The following QTMAN variants were observed in gnomAD, a reference collection of about 807,000 sequenced individuals.
QTMAN encodes the protein queuosine-tRNA mannosyltransferase, also known as tRNA-queuosine alpha-mannosyltransferase.
At chr2:144,300,402 T>C in the QTMAN span, among the ~76,000 whole-genome samples, 7 of 152,284 alleles carry the variant, frequency 4.6e-5, no homozygotes, top group African/African-American at 1.7e-4. Context: ...CTATCCTATA[T>C]CCAACAATCC....
the QTMAN span, chr2:143,944,238 T>TGC: frequency 3.0e-4 from 44 of 147,722 alleles, no homozygotes; most frequent in African/African-American, 1.1e-3. Flanking sequence ...AATGTGCGTG[T>TGC]GCACACACAC....
the QTMAN span, among the ~76,000 whole-genome samples, chr2:144,108,345 T>C: frequency 1.3e-5 from 2 of 152,106 alleles, no homozygotes; most frequent in Non-Finnish European, 2.9e-5. Context: ...TGATTGTATA[T>C]TTAGAAAACC....
the QTMAN span, among the ~76,000 whole-genome samples, chr2:144,098,477 G>A: frequency 2.8e-3 from 427 of 152,224 alleles, 2 homozygotes; most frequent in African/African-American, 9.8e-3. Context: ...CATTTTGGGA[G>A]GCCGAGGCGG....
chr2:144,258,494 A>G, the QTMAN span, among the ~76,000 whole-genome samples: 1 of 152,206 alleles, frequency 6.6e-6, no homozygotes, highest in Non-Finnish European at 1.5e-5. Flanking sequence ...ACCATCAGTC[A>G]CCATTATCTG....
chr2:144,101,299 T>C, the QTMAN span, among the ~76,000 whole-genome samples: 1 of 152,136 alleles, frequency 6.6e-6, no homozygotes, highest in Non-Finnish European at 1.5e-5. Context: ...CTAAATCCCA[T>C]GGACCTTTGT....
At chr2:144,288,535 A>G in the QTMAN span, among the ~76,000 whole-genome samples, 1 of 152,246 alleles carries the variant, frequency 6.6e-6, no homozygotes, top group African/African-American at 2.4e-5. Flanking sequence ...TTCCAGGAGC[A>G]TATTTTCAAG....
the QTMAN span, among the ~76,000 whole-genome samples, chr2:143,996,664 C>T: frequency 6.6e-6 from 1 of 152,106 alleles, no homozygotes; most frequent in Non-Finnish European, 1.5e-5. Context: ...CAGTAATTTT[C>T]TGCCAAGTTT....
chr2:144,059,019 C>G, the QTMAN span, among the ~76,000 whole-genome samples: 3 of 152,234 alleles, frequency 2.0e-5, no homozygotes, highest in African/African-American at 7.2e-5. Flanking sequence ...TGTTTCTACT[C>G]TGCTCAAATG....
the QTMAN span, among the ~76,000 whole-genome samples, chr2:144,228,817 G>T: frequency 6.6e-6 from 1 of 152,146 alleles, no homozygotes; most frequent in Non-Finnish European, 1.5e-5. Context: ...AATTAGCCGG[G>T]CGTGATGGCA....
At chr2:144,087,268 T>A in the QTMAN span, among the ~76,000 whole-genome samples, 3 of 152,212 alleles carry the variant, frequency 2.0e-5, no homozygotes, top group East Asian at 5.8e-4. Flanking sequence ...CAAAGCTTAC[T>A]CAGCAAGCAA....
chr2:144,159,030 A>T, the QTMAN span, among the ~76,000 whole-genome samples: 1 of 152,070 alleles, frequency 6.6e-6, no homozygotes, highest in South Asian at 2.1e-4. Flanking sequence ...AAGTAGCAAA[A>T]GATTGGTTGA....
chr2:144,332,915 G>T, the QTMAN span, among the ~76,000 whole-genome samples: 1 of 152,078 alleles, frequency 6.6e-6, no homozygotes, highest in South Asian at 2.1e-4. Flanking sequence ...CTGTTCATTA[G>T]GTCGACCTCG....
chr2:144,276,219 A>G, the QTMAN span, among the ~76,000 whole-genome samples: 1 of 152,028 alleles, frequency 6.6e-6, no homozygotes, highest in African/African-American at 2.4e-5. Context: ...TTTTTTAAAA[A>G]AAAAAGTTAT....
the QTMAN span, among the ~76,000 whole-genome samples, chr2:144,212,664 T>C: frequency 1.3e-5 from 2 of 152,180 alleles, no homozygotes; most frequent in Non-Finnish European, 2.9e-5. Flanking sequence ...GCTTGCTCCC[T>C]GAAAGAGCAT....
At chr2:144,136,229 GA>G in the QTMAN span, among the ~76,000 whole-genome samples, 1 of 151,728 alleles carries the variant, frequency 6.6e-6, no homozygotes, top group Non-Finnish European at 1.5e-5. Flanking sequence ...AGTAGGGTAA[GA>G]TGGGAGAGTC....
the QTMAN span, among the ~76,000 whole-genome samples, chr2:144,028,360 A>T: frequency 6.6e-6 from 1 of 152,232 alleles, no homozygotes; most frequent in Non-Finnish European, 1.5e-5. Context: ...TATAATAAAC[A>T]TGCACTTATT....
chr2:144,048,982 C>A, the QTMAN span, among the ~76,000 whole-genome samples: 1 of 152,124 alleles, frequency 6.6e-6, no homozygotes, highest in African/African-American at 2.4e-5. Context: ...TGTAGCTATT[C>A]CTGGCATTGG....
At chr2:144,145,709 C>T in the QTMAN span, 3 of 1,611,228 alleles carry the variant, frequency 1.9e-6, no homozygotes, top group Non-Finnish European at 2.5e-6. Context: ...CCAGTTCGGT[C>T]AGGTTAAGCA....
At chr2:144,000,893 T>C in the QTMAN span, among the ~76,000 whole-genome samples, 1 of 152,090 alleles carries the variant, frequency 6.6e-6, no homozygotes, top group South Asian at 2.1e-4. Flanking sequence ...AATTAGCACT[T>C]TGCCCTTCTG....
Sources: allele counts gnomAD v4.1 joint callset (sites outside exome capture counted in the v4.1 genomes callset), GRCh38; gene constraint gnomAD v4.1.1; transcripts MANE v1.5; gene names NCBI Gene and HGNC (gene_info 2026-07-23, HGNC 2026-07-21).